The following PLXNA2 variants were observed in gnomAD, a reference collection of about 807,000 sequenced individuals.
The protein encoded by PLXNA2 is plexin A2, also known as plexin-A2.
Under a neutral mutation model 193.5 loss-of-function variants are expected in PLXNA2, and 91 were observed. That is an observed-to-expected ratio of 0.47 (90% CI 0.40 to 0.56). The LOEUF is 0.56. Ranked by LOEUF, PLXNA2 falls within the 20% of genes least tolerant of loss-of-function variation. The probability of loss-of-function intolerance (pLI) is 0.00; values close to 1 mark genes in which losing one functional copy is unlikely to be tolerated. For synonymous variants in PLXNA2, 997 were observed against 1,027.3 expected (o/e 0.97, Z 0.56); for missense variants, 1,995 against 2,503.2 (o/e 0.80, Z 4.33).
chr1:208,172,385 A>G (rs946652570), intron 3 of PLXNA2, among the ~76,000 whole-genome samples: 2 of 152,126 alleles, frequency 1.3e-5, no homozygotes, highest in South Asian at 4.2e-4. Flanking sequence ...CTAGCTCTCT[A>G]CTTTGACATT....
chr1:208,093,365 G>A (rs947121456), intron 8 of PLXNA2, among the ~76,000 whole-genome samples: 17 of 152,160 alleles, frequency 1.1e-4, no homozygotes, highest in Non-Finnish European at 1.2e-4. Flanking sequence ...GACAGGAATT[G>A]GGCATATCTG....
In PLXNA2 at chr1:208,217,635, C is replaced by G; in HGVS notation, c.288G>C (p.Pro96=). 2 of 1,614,130 alleles carry G rather than the reference C, an allele frequency of 1.2e-6. No homozygotes were observed. Among genetic ancestry groups the G allele is most frequent in the Non-Finnish European group, 1.7e-6 (2 of 1,180,004 alleles). The change falls in exon 2 of 32, where the codon CCG becomes CCC. Residue 96 remains proline (P), a synonymous_variant. Transcript: ENST00000367033. The surrounding 1 kb of genome is among the most constrained non-coding windows in gnomAD (Gnocchi z 4.7). ...CGCTGCAGGGCTGCACGATGAGGGG[C>G]GGGTAACAAGACTTGTTGTCCTCTT... is the stretch of plus-strand genomic sequence containing the variant. ...GPEEDNKSCY[P]PLIVQPCSEV...
rs920980413 is a variant in PLXNA2, at chr1:208,209,988, T to A, written c.1371+292A>T. On this transcript the variant is annotated intron_variant, in intron 3 of 31. Coordinates refer to ENST00000367033, the MANE Select transcript of PLXNA2 (RefSeq NM_025179.4). ...TGATTTGGGAATGAAGAGCAATTTT[T>A]TTTTTTTTTTTTTTTTGCTTTTGCA... 232 of 173,184 alleles carry A rather than the reference T, an allele frequency of 1.3e-3. 8 individuals carry two copies. The highest frequency in any genetic ancestry group is 6.3e-3 in the South Asian group (45 of 7,122). 10.7% of individuals were successfully genotyped at this position (173,184 alleles called of 1,614,324 possible).
At chr1:208,137,207 G>A (rs980271301) in intron 4 of PLXNA2, among the ~76,000 whole-genome samples, 4 of 152,162 alleles carry the variant, frequency 2.6e-5, no homozygotes, top group Non-Finnish European at 4.4e-5. Flanking sequence ...GCCCTTTCCA[G>A]TCTGTACGGA....
chr1:208,056,127 C>T (rs769213888), intron 13 of PLXNA2, among the ~76,000 whole-genome samples: 4 of 152,222 alleles, frequency 2.6e-5, no homozygotes, highest in African/African-American at 4.8e-5. Flanking sequence ...GTGTGGTTAA[C>T]GACTCTCTCA....
rs376139900 is a variant in PLXNA2, at chr1:208,027,229, C to T, written c.*14G>A. ...GGACAGGTCCCTCTTCCCAGGAATG[C>T]GAGGCTCCTCCTCTCAGCTCTCAAT... On this transcript the variant is annotated 3_prime_UTR_variant, in exon 32 of 32. Coordinates refer to ENST00000367033, the MANE Select transcript of PLXNA2 (RefSeq NM_025179.4). The T allele has an allele frequency of 2.4e-5, 39 of 1,606,498 alleles. No individual in the cohort carries two copies. The highest frequency in any genetic ancestry group is 4.5e-5 in the East Asian group (2 of 44,808).
intron 17 of PLXNA2, among the ~76,000 whole-genome samples, chr1:208,048,433 T>C (rs1370544378): frequency 2.0e-5 from 3 of 152,218 alleles, no homozygotes; most frequent in Non-Finnish European, 2.9e-5. Flanking sequence ...GATGGAAATC[T>C]ACATTCCTGC....
intron 5 of PLXNA2, among the ~76,000 whole-genome samples, chr1:208,102,102 C>G (rs1667114839): frequency 6.6e-6 from 1 of 152,204 alleles, no homozygotes; most frequent in African/African-American, 2.4e-5. Flanking sequence ...TCTTTTACCT[C>G]CAAAACCCAA....
intron 20 of PLXNA2, among the ~76,000 whole-genome samples, chr1:208,043,619 T>A (rs939997348): frequency 2.0e-5 from 3 of 152,126 alleles, no homozygotes; most frequent in African/African-American, 7.2e-5. Flanking sequence ...TGCAAAAGCC[T>A]AGGGGAGGTC....
intron 1 of PLXNA2, among the ~76,000 whole-genome samples, chr1:208,231,553 C>A (rs1671693519): frequency 1.3e-5 from 2 of 152,154 alleles, no homozygotes; most frequent in Non-Finnish European, 2.9e-5. Context: ...GCATTCCATG[C>A]CCTTCGGAAA....
At chr1:208,192,277 C>G (rs1051211502) in intron 3 of PLXNA2, among the ~76,000 whole-genome samples, 2 of 151,664 alleles carry the variant, frequency 1.3e-5, no homozygotes, top group African/African-American at 4.9e-5. Context: ...GTTGTCTTGT[C>G]CTGCTGCCAT....
Position 208,110,828 on chromosome 1 carries a change from C to T in PLXNA2, c.1507-7581G>A, listed in dbSNP as rs140777528. 2.5e-3 allele frequency among the ~76,000 whole-genome samples: 377 copies of T among 152,288 alleles called. 2 individuals are homozygous for T. Among genetic ancestry groups the T allele is most frequent in the African/African-American group, 8.5e-3 (353 of 41,554 alleles). ...CTGGAGCTGCCCCAAAAGCGGCCAC[C>T]GGGGCCATTCTTCTTCCTAGAAAGA... is the stretch of plus-strand genomic sequence containing the variant. On this transcript the variant is annotated intron_variant, in intron 4 of 31. Transcript: ENST00000367033.
In PLXNA2 at chr1:208,173,014, A is replaced by G. The variant is rs184180282; in HGVS notation, c.1372-30551T>C. 3.0e-3 allele frequency among the ~76,000 whole-genome samples: 452 copies of G among 152,322 alleles called. 1 individual carries two copies. The highest frequency in any genetic ancestry group is 8.3e-3 in the Admixed American group (127 of 15,304). ...TGGAGCTGCCTCACTGGCATATCTGAGAGGCAGTGTTGGGTAGTGATTAAG... is the reference window on the plus strand; with the variant it reads ...TGGAGCTGCCTCACTGGCATATCTGGGAGGCAGTGTTGGGTAGTGATTAAG... On this transcript the variant is annotated intron_variant, in intron 3 of 31. Coordinates refer to ENST00000367033, the MANE Select transcript of PLXNA2 (RefSeq NM_025179.4).
intron 12 of PLXNA2, among the ~76,000 whole-genome samples, chr1:208,071,488 G>T (rs1489819083): frequency 6.6e-6 from 1 of 152,204 alleles, no homozygotes; most frequent in African/African-American, 2.4e-5. Flanking sequence ...AAAGCAAATT[G>T]TGGCATTCTT....
At chr1:208,186,708 A>ATTTTGTT (rs368056918) in intron 3 of PLXNA2, among the ~76,000 whole-genome samples, 2 of 111,698 alleles carry the variant, frequency 1.8e-5, no homozygotes. Context: ...TTGCAATGTT[A>ATTTTGTT]TTTTATTTTT....
At chr1:208,107,055 C>T (rs576472084) in intron 4 of PLXNA2, among the ~76,000 whole-genome samples, 1 of 152,334 alleles carries the variant, frequency 6.6e-6, no homozygotes, top group South Asian at 2.1e-4. Flanking sequence ...TATGTGATGC[C>T]TCCAAGCCTT....
intron 3 of PLXNA2, among the ~76,000 whole-genome samples, chr1:208,185,720 G>GA (rs79068594): frequency 4.4e-4 from 36 of 81,762 alleles, no homozygotes; most frequent in Admixed American, 8.1e-4. Flanking sequence ...AAAAAAAAAG[G>GA]AAAAAAAAAA....
At chr1:208,066,422 C>A (rs1273081561) in intron 12 of PLXNA2, among the ~76,000 whole-genome samples, 1 of 152,218 alleles carries the variant, frequency 6.6e-6, no homozygotes, top group Non-Finnish European at 1.5e-5. Flanking sequence ...TCTTGTGCTG[C>A]ATATTGACGT....
intron 3 of PLXNA2, among the ~76,000 whole-genome samples, chr1:208,198,099 C>T (rs1475495562): frequency 6.6e-6 from 1 of 152,104 alleles, no homozygotes; most frequent in Non-Finnish European, 1.5e-5. Context: ...TAATTCATAG[C>T]AATGATTAGT....
Sources: allele counts gnomAD v4.1 joint callset (sites outside exome capture counted in the v4.1 genomes callset), GRCh38; gene constraint gnomAD v4.1.1; non-coding constraint Gnocchi (gnomAD v3.1); transcripts MANE v1.5; gene names NCBI Gene and HGNC (gene_info 2026-07-23, HGNC 2026-07-21).